The following KIFC1 variants were observed in gnomAD, a reference collection of about 807,000 sequenced individuals.
KIFC1 encodes the protein kinesin family member C1, also known as kinesin-like protein KIFC1.
A neutral mutation model predicts 66.6 loss-of-function variants in KIFC1; 37 were observed. The observed-to-expected ratio is 0.56, with a 90% CI of 0.43 to 0.73. KIFC1 has a LOEUF of 0.73. KIFC1 is among the 30% of genes least tolerant of loss of function. The probability of loss-of-function intolerance (pLI) is 0.00; values close to 1 mark genes in which losing one functional copy is unlikely to be tolerated. For synonymous variants in KIFC1, 325 were observed against 343.5 expected, an observed-to-expected ratio of 0.95 and a Z score of 0.60; for missense variants, 721 against 859.8, an observed-to-expected ratio of 0.84 and a Z score of 2.02.
At chr6:33,396,148 A>T (rs1046610930) in intron 1 of KIFC1, among the ~76,000 whole-genome samples, 1 of 152,256 alleles carries the variant, frequency 6.6e-6, no homozygotes, top group Non-Finnish European at 1.5e-5. Context: ...TTTAAAAATA[A>T]TGATGCTCTG....
At chr6:33,397,274 C>G (rs211460) in intron 1 of KIFC1, among the ~76,000 whole-genome samples, 134,836 of 145,236 alleles carry the variant, frequency 0.93, 62,718 homozygotes, top group East Asian at 1. Flanking sequence ...ACCGTGCTCG[C>G]CCAGAATTAA....
chr6:33,405,505 GGAC>G lies in KIFC1; in HGVS notation c.1411_1413del (p.Asp471del). 1 of 1,612,714 alleles carries G rather than the reference GGAC, an allele frequency of 6.2e-7. No individual in the cohort carries two copies. Among genetic ancestry groups the G allele is most frequent in the Non-Finnish European group, 8.5e-7 (1 of 1,179,340 alleles). Reference sequence around the variant, plus strand: ...TAGAGATCTACAATGAGACTGTCCGGGACCTGCTGGCCACTGGAACCCGGAAGG... The same window carrying G: ...TAGAGATCTACAATGAGACTGTCCGGCTGCTGGCCACTGGAACCCGGAAGG... On this transcript the variant is annotated inframe_deletion, in exon 7 of 11. Coordinates refer to ENST00000428849, the MANE Select transcript of KIFC1 (RefSeq NM_002263.4). This position sits in a 1 kb window ranked among gnomAD's most constrained non-coding sequence, Gnocchi z 5.4.
chr6:33,408,894 C>T (rs941282803), intron 10 of KIFC1, among the ~76,000 whole-genome samples: 7 of 152,258 alleles, frequency 4.6e-5, no homozygotes, highest in Middle Eastern at 3.4e-3. Flanking sequence ...ACCTCCTGGC[C>T]GGGCGCGGTG....
rs1437477084 is a variant in KIFC1 at position 33,406,465 on chromosome 6, TATC to T, written c.1809_1811del (p.Ile603del). 3 of 1,597,910 alleles carry T rather than the reference TATC, an allele frequency of 1.9e-6. No homozygotes were observed. The highest frequency in any genetic ancestry group is 2.6e-6 in the Non-Finnish European group (3 of 1,169,650). On this transcript the variant is annotated inframe_deletion, in exon 8 of 11. Coordinates refer to ENST00000428849, the MANE Select transcript of KIFC1 (RefSeq NM_002263.4). The surrounding 1 kb of genome is among the most constrained non-coding windows in gnomAD (Gnocchi z 4.5). ...GCAGCCTGTCCACGCTGGGGCTGGT[TATC>T]ATGGCCCTGAGCAACAAGGTGGGAA...
intron 1 of KIFC1, among the ~76,000 whole-genome samples, chr6:33,392,943 T>G (rs1323907083): frequency 6.6e-6 from 1 of 152,186 alleles, no homozygotes; most frequent in East Asian, 1.9e-4. Flanking sequence ...GAGCTGCCAT[T>G]CTATGGGGAT....
Position 33,409,815 on chromosome 6 carries a change from G to GA in KIFC1, c.*126dup. On this transcript the variant is annotated 3_prime_UTR_variant, in exon 11 of 11. Coordinates refer to ENST00000428849, the MANE Select transcript of KIFC1 (RefSeq NM_002263.4). ...TTGCTGGAGGGTGCTTTATTGGGTG[G>GA]AGGGCACCATGTCCCAGGGCTATCA... The GA allele has an allele frequency of 1.0e-6, 1 of 984,642 alleles. No individual in the cohort carries two copies. The highest frequency in any genetic ancestry group is 1.9e-5 in the Admixed American group (1 of 53,516). 61.0% of individuals were successfully genotyped at this position (984,642 alleles called of 1,614,324 possible).
Position 33,398,331 on chromosome 6 carries a change from C to T in KIFC1, c.194C>T (p.Ser65Phe), listed in dbSNP as rs1775199297. Residue 65 changes from serine (S) to phenylalanine (F), a missense_variant, in exon 3 of 11, where the codon TCC (serine) becomes TTC (phenylalanine). Coordinates refer to ENST00000428849, the MANE Select transcript of KIFC1 (RefSeq NM_002263.4). ...GGTGCAACGACCAAAATTACCACAT[C>T]CCACCCAAGAGTTCCATCCCTCACT... ...GLGATTKITT[S>F]HPRVPSLTTV... 1.2e-6 allele frequency: 2 copies of T among 1,613,980 alleles called. No individual in the cohort carries two copies. The highest frequency in any genetic ancestry group is 1.3e-5 in the African/African-American group (1 of 74,896).
rs1457002185 is a variant in KIFC1, at chr6:33,403,280, A to T, written c.251-34A>T. 4 of 1,594,810 alleles carry T rather than the reference A, an allele frequency of 2.5e-6. No individual in the cohort carries two copies. Among genetic ancestry groups the T allele is most frequent in the Admixed American group, 1.7e-5 (1 of 59,990 alleles). On this transcript the variant is annotated intron_variant, in intron 3 of 10. Coordinates refer to ENST00000428849, the MANE Select transcript of KIFC1 (RefSeq NM_002263.4). This position sits in a 1 kb window ranked among gnomAD's most constrained non-coding sequence, Gnocchi z 4.6. ...TGTACATGCCATCTTAAGAATGATC[A>T]TTCTACCTTTGCTCTCTCCCATCTC...
chr6:33,391,657 T>A, upstream of KIFC1: 1 of 534,002 alleles, frequency 1.9e-6, no homozygotes, highest in Non-Finnish European at 3.4e-6. Context: ...GGAAGTGGAA[T>A]TAATCCGCCT....
At chr6:33,397,798 A>T (rs1318263731) in intron 1 of KIFC1, among the ~76,000 whole-genome samples, 1 of 152,106 alleles carries the variant, frequency 6.6e-6, no homozygotes, top group Non-Finnish European at 1.5e-5. Context: ...TGCTTGTTTG[A>T]GTCCCACCCT....
chr6:33,391,662 C>A, upstream of KIFC1: 1 of 544,814 alleles, frequency 1.8e-6, no homozygotes, highest in Non-Finnish European at 3.3e-6. Context: ...TGGAATTAAT[C>A]CGCCTACCTC....
Position 33,404,007 on chromosome 6 carries a change from T to C in KIFC1, c.634T>C (p.Cys212Arg), listed in dbSNP as rs1239761525. 1.2e-6 allele frequency: 2 copies of C among 1,614,102 alleles called. No individual in the cohort carries two copies. The highest frequency in any genetic ancestry group is 1.7e-6 in the Non-Finnish European group (2 of 1,180,050). Residue 212 changes from cysteine (C) to arginine (R), a missense_variant, in exon 6 of 11, where the codon TGT (cysteine) becomes CGT (arginine). Cys to Arg is a radical substitution (Grantham distance 180). Coordinates refer to ENST00000428849, the MANE Select transcript of KIFC1 (RefSeq NM_002263.4). This position sits in a 1 kb window ranked among gnomAD's most constrained non-coding sequence, Gnocchi z 4.0. ...ACAGGAGCTGAAGAACTTGCGTGCT[T>C]GTGTCCTGGAGCTGGAAGAGCGGCT... ...GQQELKNLRA[C>R]VLELEERLST... is the part of the protein sequence containing the mutation.
chr6:33,404,164 C>G lies in KIFC1; in HGVS notation c.756+35C>G. The G allele has an allele frequency of 1.3e-6, 2 of 1,573,802 alleles. No individual in the cohort carries two copies. The highest frequency in any genetic ancestry group is 1.7e-6 in the Non-Finnish European group (2 of 1,159,180). On this transcript the variant is annotated intron_variant, in intron 6 of 10. Coordinates refer to ENST00000428849, the MANE Select transcript of KIFC1 (RefSeq NM_002263.4). This position sits in a 1 kb window ranked among gnomAD's most constrained non-coding sequence, Gnocchi z 4.0. ...AGATTTTCACCAGATGTCAGCCCCG[C>G]TTTCCTGGCAGAGGTCATGCCTCCC...
At chr6:33,394,660 T>C (rs1465632157) in intron 1 of KIFC1, among the ~76,000 whole-genome samples, 3 of 152,188 alleles carry the variant, frequency 2.0e-5, no homozygotes, top group Non-Finnish European at 4.4e-5. Flanking sequence ...TTTTGTATTT[T>C]TAGTAGAGAC....
rs545493346 is a variant in KIFC1, at chr6:33,403,444, A to T, written c.305-41A>T. On this transcript the variant is annotated intron_variant, in intron 4 of 10. Coordinates refer to ENST00000428849, the MANE Select transcript of KIFC1 (RefSeq NM_002263.4). The surrounding 1 kb of genome is among the most constrained non-coding windows in gnomAD (Gnocchi z 4.6). ...GGGAGAATGATGGAGGTGGAGGGACACTGGTCCTGTAATTCCTAAGTCACC... is the reference window on the plus strand; with the variant it reads ...GGGAGAATGATGGAGGTGGAGGGACTCTGGTCCTGTAATTCCTAAGTCACC... The T allele has an allele frequency of 1.9e-6, 3 of 1,611,144 alleles. No individual in the cohort carries two copies. Among genetic ancestry groups the T allele is most frequent in the East Asian group, 4.5e-5 (2 of 44,886 alleles).
intron 3 of KIFC1, among the ~76,000 whole-genome samples, chr6:33,402,368 T>C (rs1348952351): frequency 1.3e-5 from 2 of 152,188 alleles, no homozygotes; most frequent in African/African-American, 4.8e-5. Flanking sequence ...TATGGGCACA[T>C]GACTGTATTA....
At position 33,409,728 on chromosome 6, in the gene KIFC1, T is replaced by TGTCCCTATGTCTATGTATCGG; in HGVS notation, c.*40_*41insCCCTATGTCTATGTATCGGGT. 1 of 1,444,876 alleles carries TGTCCCTATGTCTATGTATCGG rather than the reference T, an allele frequency of 6.9e-7. No homozygotes were observed. Among genetic ancestry groups the TGTCCCTATGTCTATGTATCGG allele is most frequent in the Non-Finnish European group, 9.6e-7 (1 of 1,044,486 alleles). The allele number at this position is 1,444,876 out of a possible 1,614,324, so 89.5% of individuals were successfully genotyped here. A position where few individuals can be genotyped will look rare whatever the true frequency, so the allele number is the denominator to read the frequency against. Reference sequence around the variant, plus strand: ...ATCTGTGTGTGTGTGTGTGTGTGTGTGTGTGTGTGTGTGTGTGTGTGTGTG... The same window carrying TGTCCCTATGTCTATGTATCGG: ...ATCTGTGTGTGTGTGTGTGTGTGTGTGTCCCTATGTCTATGTATCGGGTGTGTGTGTGTGTGTGTGTGTGTG... On this transcript the variant is annotated 3_prime_UTR_variant, in exon 11 of 11. Coordinates refer to ENST00000428849, the MANE Select transcript of KIFC1 (RefSeq NM_002263.4).
At position 33,406,459 on chromosome 6, in the gene KIFC1, G is replaced by A. The variant is rs1230233830; in HGVS notation, c.1800G>A (p.Gly600=). The change falls in exon 8 of 11, where the codon GGG becomes GGA. Residue 600 remains glycine (G), a synonymous_variant. Transcript: ENST00000428849. The surrounding 1 kb of genome is among the most constrained non-coding windows in gnomAD (Gnocchi z 4.5). ...TTAACAGCAGCCTGTCCACGCTGGG[G>A]CTGGTTATCATGGCCCTGAGCAACA... ...QAINSSLSTL[G]LVIMALSNKE... is the part of the protein sequence containing the mutation. The A allele has an allele frequency of 1.3e-6, 2 of 1,598,714 alleles. No individual in the cohort carries two copies. Among genetic ancestry groups the A allele is most frequent in the Non-Finnish European group, 1.7e-6 (2 of 1,170,050 alleles).
chr6:33,399,887 AAAT>A (rs1200471823), intron 3 of KIFC1, among the ~76,000 whole-genome samples: 1 of 152,254 alleles, frequency 6.6e-6, no homozygotes, highest in Non-Finnish European at 1.5e-5. Flanking sequence ...AATTTATAAA[AAAT>A]AGTTCTTTTA....
Sources: gnomAD v4.1 joint callset for allele counts (sites outside exome capture counted in the v4.1 genomes callset) on GRCh38, gnomAD v4.1.1 for gene constraint, Gnocchi (gnomAD v3.1) non-coding constraint, MANE v1.5 for transcripts, NCBI Gene and HGNC (gene_info 2026-07-23, HGNC 2026-07-21) for gene names.